Variants in RAD51B observed in about 807,000 individuals in gnomAD.
RAD51B encodes RAD51 paralog B.
RAD51B carries 38 observed loss-of-function variants against 42.2 expected under a neutral mutation model. That is an observed-to-expected ratio of 0.90 (90% CI 0.70 to 1.18). The LOEUF is 1.18. RAD51B is among the 50% of genes most tolerant of loss of function. RAD51B has a pLI of 0.00. For synonymous variants in RAD51B, 154 were observed against 145.2 expected, an observed-to-expected ratio of 1.06 and a Z score of -0.43; for missense variants, 373 against 400.7, an observed-to-expected ratio of 0.93 and a Z score of 0.59.
intron 11 of RAD51B, among the ~76,000 whole-genome samples, chr14:68,674,384 T>C (rs1248121655): frequency 1.3e-5 from 2 of 152,142 alleles, no homozygotes; most frequent in Non-Finnish European, 2.9e-5. Flanking sequence ...AGAATTTTTC[T>C]ATGAGTAGTC....
intron 7 of RAD51B, among the ~76,000 whole-genome samples, chr14:68,092,246 G>A (rs2077113582): frequency 6.6e-6 from 1 of 152,166 alleles, no homozygotes; most frequent in Non-Finnish European, 1.5e-5. Flanking sequence ...AAAGTCATTG[G>A]TAGCTTGATG....
chr14:68,664,976 A>G (rs545955324), intron 11 of RAD51B, among the ~76,000 whole-genome samples: 1 of 152,282 alleles, frequency 6.6e-6, no homozygotes, highest in South Asian at 2.1e-4. Context: ...AAGCCCTGCC[A>G]TGTTCCTTCT....
intron 8 of RAD51B, among the ~76,000 whole-genome samples, chr14:68,331,929 G>A (rs1027736401): frequency 6.8e-6 from 1 of 146,482 alleles, no homozygotes; most frequent in African/African-American, 2.7e-5. Flanking sequence ...TGATGGAAAG[G>A]AATCTTAACA....
At chr14:68,660,709 C>T (rs985380451) in intron 11 of RAD51B, among the ~76,000 whole-genome samples, 1 of 152,152 alleles carries the variant, frequency 6.6e-6, no homozygotes, top group Admixed American at 6.5e-5. Flanking sequence ...CTTGGTTATG[C>T]GGCACAGAAT....
chr14:68,545,662 C>A (rs745317214), intron 10 of RAD51B: 6 of 455,082 alleles, frequency 1.3e-5, no homozygotes, highest in Non-Finnish European at 2.6e-5. Context: ...AGACACCTAT[C>A]CATCATTCGC....
At chr14:68,399,615 CA>C (rs1286945262) in intron 8 of RAD51B, among the ~76,000 whole-genome samples, 1 of 152,064 alleles carries the variant, frequency 6.6e-6, no homozygotes, top group Non-Finnish European at 1.5e-5. Flanking sequence ...TATTAGTTAC[CA>C]ATTTATTTTA....
intron 7 of RAD51B, among the ~76,000 whole-genome samples, chr14:68,032,387 A>G (rs576609440): frequency 1.6e-4 from 25 of 152,086 alleles, no homozygotes; most frequent in Non-Finnish European, 3.7e-4. Flanking sequence ...TGGCTCTCAC[A>G]TCAGCCTGGC....
intron 10 of RAD51B, among the ~76,000 whole-genome samples, chr14:68,558,389 C>A (rs189233697): frequency 6.6e-6 from 1 of 152,224 alleles, no homozygotes; most frequent in African/African-American, 2.4e-5. Context: ...CCCCTAGCCA[C>A]GCGGGTACTT....
At chr14:68,218,985 G>C (rs966295349) in intron 7 of RAD51B, among the ~76,000 whole-genome samples, 3 of 152,228 alleles carry the variant, frequency 2.0e-5, no homozygotes, top group African/African-American at 7.2e-5. Flanking sequence ...TCTGCAGCCT[G>C]ATGGTCTGGG....
intron 7 of RAD51B, among the ~76,000 whole-genome samples, chr14:68,180,421 G>A (rs74058837): frequency 0.043 from 6,535 of 152,130 alleles, 197 homozygotes; most frequent in Middle Eastern, 0.068. Flanking sequence ...AGAGGGCCGG[G>A]GTAGAGGAGT....
chr14:68,272,873 A>G (rs982794840), intron 7 of RAD51B, among the ~76,000 whole-genome samples: 9 of 149,854 alleles, frequency 6.0e-5, no homozygotes, highest in African/African-American at 2.2e-4. Flanking sequence ...TTTAGTAGAG[A>G]TGGGGTTTCA....
intron 7 of RAD51B, among the ~76,000 whole-genome samples, chr14:67,914,141 C>T (rs2044077368): frequency 6.6e-6 from 1 of 152,116 alleles, no homozygotes; most frequent in Non-Finnish European, 1.5e-5. Context: ...TACCACCACG[C>T]TTGGCTAATT....
At chr14:68,267,495 T>A (rs2081015433) in intron 7 of RAD51B, among the ~76,000 whole-genome samples, 1 of 152,150 alleles carries the variant, frequency 6.6e-6, no homozygotes, top group Non-Finnish European at 1.5e-5. Context: ...TTCTTTCAAA[T>A]GAAAGAATTT....
In RAD51B at chr14:68,368,672, G is replaced by A. The variant is rs938009506; in HGVS notation, c.854-42752G>A. Among the ~76,000 whole-genome samples, 10 of 152,162 alleles carry A rather than the reference G, an allele frequency of 6.6e-5. No homozygotes were observed. The East Asian group carries it at 1.3e-3, about 21-fold the overall frequency. On this transcript the variant is annotated intron_variant, in intron 8 of 10. Transcript: ENST00000471583. ...GTACAAGTGCTGCATCCCTGCTACC[G>A]AGGCTGCTGCTTTAGTATCTTTACT...
chr14:68,007,927 A>G (rs918727314), intron 7 of RAD51B, among the ~76,000 whole-genome samples: 22 of 152,148 alleles, frequency 1.4e-4, no homozygotes, highest in Non-Finnish European at 2.4e-4. Flanking sequence ...AGCAAATTAC[A>G]TTACTGAAAT....
intron 7 of RAD51B, among the ~76,000 whole-genome samples, chr14:67,946,959 T>G (rs1305958111): frequency 6.6e-6 from 1 of 152,194 alleles, no homozygotes; most frequent in African/African-American, 2.4e-5. Flanking sequence ...TTTGATATAT[T>G]TAAGTCCCTT....
rs374340127 is a variant in RAD51B at position 68,307,070 on chromosome 14, T to G, written c.853+15090T>G. ...CAGTTCATGTCTGGGTTTTCAGCAC[T>G]TAATACAGGGCGCTTTTGTCTTGGG... is the stretch of plus-strand genomic sequence containing the variant. On this transcript the variant is annotated intron_variant, in intron 8 of 10. Transcript: ENST00000471583. 5.3e-5 allele frequency among the ~76,000 whole-genome samples: 8 copies of G among 151,952 alleles called. No individual in the cohort carries two copies. The East Asian group carries it at 1.2e-3, about 22-fold the overall frequency.
intron 7 of RAD51B, among the ~76,000 whole-genome samples, chr14:68,153,703 T>C (rs1273379049): frequency 6.6e-6 from 1 of 152,204 alleles, no homozygotes; most frequent in Non-Finnish European, 1.5e-5. Context: ...TCATTTACAT[T>C]TCTTATATAT....
At chr14:68,519,305 G>GC (rs1886403780) in intron 10 of RAD51B, among the ~76,000 whole-genome samples, 1 of 152,208 alleles carries the variant, frequency 6.6e-6, no homozygotes, top group Non-Finnish European at 1.5e-5. Context: ...AGATTTCCTG[G>GC]CCAACCTGAA....
Sources: gnomAD v4.1 joint callset for allele counts (sites outside exome capture counted in the v4.1 genomes callset) on GRCh38, gnomAD v4.1.1 for gene constraint, MANE v1.5 for transcripts, NCBI Gene and HGNC (gene_info 2026-07-23, HGNC 2026-07-21) for gene names.